The following SYN3 variants were observed in gnomAD, a reference collection of about 807,000 sequenced individuals.
SYN3 encodes the protein synapsin-3.
A neutral mutation model predicts 65.8 loss-of-function variants in SYN3; 35 were observed. That is an observed-to-expected ratio of 0.53 (90% CI 0.41 to 0.70). SYN3 has a LOEUF of 0.70. Ranked by LOEUF, SYN3 falls within the 30% of genes least tolerant of loss-of-function variation. SYN3 has a pLI of 0.00. For synonymous variants in SYN3, 270 were observed against 292.9 expected (o/e 0.92, Z 0.80); for missense variants, 680 against 749.0 (o/e 0.91, Z 1.08).
intron 6 of SYN3, among the ~76,000 whole-genome samples, chr22:32,789,558 C>T (rs373553034): frequency 6.6e-6 from 1 of 152,274 alleles, no homozygotes; most frequent in East Asian, 1.9e-4. Flanking sequence ...AGAAATGAAC[C>T]TCAAACACAA....
chr22:32,719,965 T>G (rs1413870459), intron 6 of SYN3, among the ~76,000 whole-genome samples: 1 of 152,212 alleles, frequency 6.6e-6, no homozygotes, highest in Non-Finnish European at 1.5e-5. Flanking sequence ...ATTTGGGCAC[T>G]TTGAGTCTGC....
intron 6 of SYN3, among the ~76,000 whole-genome samples, chr22:32,624,224 C>T (rs2059634564): frequency 6.6e-6 from 1 of 152,174 alleles, no homozygotes; most frequent in South Asian, 2.1e-4. Flanking sequence ...GGTGCCTGTT[C>T]TCTGCCAATG....
intron 5 of SYN3, among the ~76,000 whole-genome samples, chr22:32,868,490 G>A (rs1054092744): frequency 6.6e-6 from 1 of 152,000 alleles, no homozygotes; most frequent in Non-Finnish European, 1.5e-5. Context: ...GCCCAGGCTG[G>A]AGTGCAACGG....
chr22:33,040,034 C>CT lies in SYN3; in HGVS notation c.-163+18257dup, dbSNP rs578015047. On this transcript the variant is annotated intron_variant, in intron 1 of 13. Coordinates refer to ENST00000358763, the MANE Select transcript of SYN3 (RefSeq NM_003490.4). ...TCTCTAGATTATACACTTTTTTTTT[C>CT]TTTTTTTTTTTGAGATGGAGTCTCC... is the stretch of plus-strand genomic sequence containing the variant. Among the ~76,000 whole-genome samples the CT allele has an allele frequency of 5.8e-3, 830 of 144,222 alleles. 12 individuals carry two copies. Among genetic ancestry groups the CT allele is most frequent in the Admixed American group, 0.033 (484 of 14,474 alleles). The allele number at this position is 144,222 out of a possible 152,430, so 94.6% of individuals were successfully genotyped here.
chr22:32,622,068 A>G (rs1191502956), intron 6 of SYN3, among the ~76,000 whole-genome samples: 1 of 151,858 alleles, frequency 6.6e-6, no homozygotes, highest in African/African-American at 2.4e-5. Flanking sequence ...AGGGGTGGGG[A>G]ATCTGAACCC....
At chr22:32,663,307 CTT>C (rs1555918916) in intron 6 of SYN3, among the ~76,000 whole-genome samples, 15 of 142,540 alleles carry the variant, frequency 1.1e-4, no homozygotes, top group Non-Finnish European at 1.2e-4. Flanking sequence ...CTTTTCTTCT[CTT>C]TTTTTTTTTT....
chr22:32,875,512 A>G (rs2048960220), intron 4 of SYN3, among the ~76,000 whole-genome samples: 1 of 152,146 alleles, frequency 6.6e-6, no homozygotes, highest in Non-Finnish European at 1.5e-5. Context: ...GGTCCTAAGC[A>G]CTGGTACCTG....
chr22:32,676,574 G>A lies in SYN3; in HGVS notation c.712-79838C>T, dbSNP rs1298903501. Among the ~76,000 whole-genome samples the A allele has an allele frequency of 1.5e-4, 17 of 114,096 alleles. No individual in the cohort carries two copies. The South Asian group carries it at 2.9e-3, about 19-fold the overall frequency. The allele number at this position is 114,096 out of a possible 152,430, so 74.9% of individuals were successfully genotyped here. A position where few individuals can be genotyped will look rare whatever the true frequency, so the allele number is the denominator to read the frequency against. On this transcript the variant is annotated intron_variant, in intron 6 of 13. Coordinates refer to ENST00000358763, the MANE Select transcript of SYN3 (RefSeq NM_003490.4). ...TTTTTTTTTGACAGAGTCTCGCTCC[G>A]TTGCCCAGGCTGGAATGCAGTGGCA...
At chr22:32,857,117 A>G (rs555150911) in intron 6 of SYN3, 2 of 741,660 alleles carry the variant, frequency 2.7e-6, no homozygotes, top group Non-Finnish European at 4.9e-6. Context: ...GCTGCAGTCA[A>G]CATGAGAGTG....
intron 6 of SYN3, among the ~76,000 whole-genome samples, chr22:32,814,317 CAGAAAGAA>C (rs552312629): frequency 2.3e-5 from 1 of 43,694 alleles, no homozygotes; most frequent in Non-Finnish European, 4.5e-5. Flanking sequence ...GAGAGAGAGA[CAGAAAGAA>C]AGAAAGAAAG....
intron 1 of SYN3, among the ~76,000 whole-genome samples, chr22:33,050,220 A>G (rs5994661): frequency 0.5 from 75,696 of 151,750 alleles, 19,009 homozygotes; most frequent in Admixed American, 0.53. Context: ...AGTGGCTCAC[A>G]CCTGTAACCC....
intron 6 of SYN3, among the ~76,000 whole-genome samples, chr22:32,732,075 T>A (rs950269529): frequency 6.6e-6 from 1 of 152,252 alleles, no homozygotes; most frequent in African/African-American, 2.4e-5. Context: ...GCTTTTATTA[T>A]TGTGTTGTTT....
rs908031175 is a variant in SYN3, at chr22:32,888,085, A to G, written c.462-18960T>C. 3.6e-4 allele frequency among the ~76,000 whole-genome samples: 55 copies of G among 152,114 alleles called. 1 individual carries two copies. The highest frequency in any genetic ancestry group is 3.5e-3 in the Admixed American group (54 of 15,280). ...TTTCCCTGATGATTAATGATGTTTA[A>G]TATCATTTCACATGCTTGTTGGCTA... On this transcript the variant is annotated intron_variant, in intron 4 of 13. Coordinates refer to ENST00000358763, the MANE Select transcript of SYN3 (RefSeq NM_003490.4).
rs372767593 is a variant in SYN3 at position 32,802,052 on chromosome 22, G to T, written c.711+62863C>A. ...TGCTCCTGGGCAGCTGGAGCCTGGGGGACTGGGGCGCCGAGGCGTGCACAT... is the reference window on the plus strand; with the variant it reads ...TGCTCCTGGGCAGCTGGAGCCTGGGTGACTGGGGCGCCGAGGCGTGCACAT... On this transcript the variant is annotated intron_variant, in intron 6 of 13. Transcript: ENST00000358763. The T allele has an allele frequency of 1.1e-4, 179 of 1,576,652 alleles. No homozygotes were observed. Among genetic ancestry groups the T allele is most frequent in the Non-Finnish European group, 9.5e-5 (111 of 1,166,186 alleles).
intron 6 of SYN3, among the ~76,000 whole-genome samples, chr22:32,818,340 TG>T (rs34603995): frequency 1.3e-5 from 2 of 152,146 alleles, no homozygotes; most frequent in East Asian, 3.9e-4. Context: ...ACATTTAGAA[TG>T]GGGGAGTCTT....
At chr22:32,560,226 T>G (rs929984258) in intron 7 of SYN3, among the ~76,000 whole-genome samples, 82 of 152,374 alleles carry the variant, frequency 5.4e-4, no homozygotes, top group African/African-American at 1.9e-3. Context: ...TGTACTTTAC[T>G]TCGTTTCATT....
chr22:32,986,300 C>G (rs2052526149), intron 2 of SYN3, among the ~76,000 whole-genome samples: 2 of 152,184 alleles, frequency 1.3e-5, no homozygotes, highest in Non-Finnish European at 2.9e-5. Flanking sequence ...AACTGGCATT[C>G]CTCGACTTGA....
At chr22:32,840,072 A>T (rs1309221483) in intron 6 of SYN3, among the ~76,000 whole-genome samples, 1 of 152,084 alleles carries the variant, frequency 6.6e-6, no homozygotes, top group Admixed American at 6.5e-5. Context: ...CAAGGCAGGT[A>T]CTGAGAAACA....
intron 3 of SYN3, among the ~76,000 whole-genome samples, chr22:32,959,095 G>T (rs1295692477): frequency 6.6e-6 from 1 of 152,040 alleles, no homozygotes; most frequent in Non-Finnish European, 1.5e-5. Flanking sequence ...ATCTCATCTA[G>T]AATTGTACTC....
Sources: allele counts gnomAD v4.1 joint callset (sites outside exome capture counted in the v4.1 genomes callset), GRCh38; gene constraint gnomAD v4.1.1; transcripts MANE v1.5; gene names NCBI Gene and HGNC (gene_info 2026-07-23, HGNC 2026-07-21).